Variants in COL5A1 observed in about 807,000 individuals in gnomAD.
The protein encoded by COL5A1 is collagen alpha-1(V) chain.
In COL5A1, 16 loss-of-function variants were observed where a neutral mutation model predicts 263.7. The observed-to-expected ratio is 0.06, with a 90% CI of 0.04 to 0.09. COL5A1 has a LOEUF of 0.09. COL5A1 is among the 10% of genes least tolerant of loss of function. COL5A1 has a pLI of 1.00. For synonymous variants in COL5A1, 1,012 were observed against 1,004.5 expected, an observed-to-expected ratio of 1.01 and a Z score of -0.14; for missense variants, 2,036 against 2,540.5, an observed-to-expected ratio of 0.80 and a Z score of 4.27.
chr9:134,783,852 G>A (rs1171978463), intron 29 of COL5A1, among the ~76,000 whole-genome samples: 1 of 152,238 alleles, frequency 6.6e-6, no homozygotes, highest in Non-Finnish European at 1.5e-5. Flanking sequence ...GAAGGCTCCT[G>A]AATCCCCACA....
intron 2 of COL5A1, among the ~76,000 whole-genome samples, chr9:134,697,920 C>T (rs1179543608): frequency 6.6e-6 from 1 of 152,088 alleles, no homozygotes; most frequent in Non-Finnish European, 1.5e-5. Context: ...CCCGTCTCTA[C>T]CAAAAATACA....
intron 1 of COL5A1, among the ~76,000 whole-genome samples, chr9:134,687,799 A>C (rs1833130797): frequency 3.3e-5 from 5 of 152,102 alleles, no homozygotes. Flanking sequence ...AGGGCAAAAG[A>C]GAGGGGCTCT....
At chr9:134,819,212 GAC>G (rs1838893337) in intron 57 of COL5A1, among the ~76,000 whole-genome samples, 159 bp downstream of exon 57, 7 of 152,336 alleles carry the variant, frequency 4.6e-5, no homozygotes, top group Admixed American at 4.6e-4. Flanking sequence ...AAGGAAAATA[GAC>G]ACGCTGTGTT....
rs1363657935 is a variant in COL5A1, at chr9:134,841,080, C to T, written c.5371-1077C>T. On this transcript the variant is annotated intron_variant, in intron 65 of 65. Coordinates refer to ENST00000371817, the MANE Select transcript of COL5A1 (RefSeq NM_000093.5). The surrounding 1 kb of genome is among the most constrained non-coding windows in gnomAD (Gnocchi z 4.8). ...GCATCCTGGGGTCACTGCCTCCCAT[C>T]CGGGAGGGAACCCTGGCTGGCCCCT... is the stretch of plus-strand genomic sequence containing the variant. Among the ~76,000 whole-genome samples the T allele has an allele frequency of 6.6e-6, 1 of 152,212 alleles. No homozygotes were observed. The highest frequency in any genetic ancestry group is 1.9e-4 in the East Asian group (1 of 5,180).
chr9:134,763,116 G>A (rs1836526723), intron 19 of COL5A1, among the ~76,000 whole-genome samples: 1 of 152,212 alleles, frequency 6.6e-6, no homozygotes, highest in African/African-American at 2.4e-5. Context: ...GTAGGCATGT[G>A]TAGGCAGGCT....
intron 27 of COL5A1, among the ~76,000 whole-genome samples, chr9:134,776,887 A>G (rs1837073628): frequency 6.6e-6 from 1 of 152,200 alleles, no homozygotes; most frequent in Admixed American, 6.5e-5. Context: ...GTGTCCACAC[A>G]TAGCAGAAGA....
In COL5A1 at chr9:134,677,570, C is replaced by T. The variant is rs1241254314; in HGVS notation, c.110-13342C>T. Among the ~76,000 whole-genome samples the T allele has an allele frequency of 1.3e-5, 2 of 152,134 alleles. No individual in the cohort carries two copies. Among genetic ancestry groups the T allele is most frequent in the Admixed American group, 1.3e-4 (2 of 15,282 alleles). ...GGGTGAGGTTTATCAGCGGGATCTT[C>T]GGGGTGATGACATTCCTTCCCCCAT... On this transcript the variant is annotated intron_variant, in intron 1 of 65. Coordinates refer to ENST00000371817, the MANE Select transcript of COL5A1 (RefSeq NM_000093.5). This position sits in a 1 kb window ranked among gnomAD's most constrained non-coding sequence, Gnocchi z 4.4.
chr9:134,654,164 C>T (rs1372520273), intron 1 of COL5A1, among the ~76,000 whole-genome samples: 3 of 117,700 alleles, frequency 2.5e-5, no homozygotes, highest in African/African-American at 1.0e-4. Context: ...GTATGTAGGG[C>T]TGGAGGTGTA....
chr9:134,770,192 C>CAA, intron 25 of COL5A1, among the ~76,000 whole-genome samples: 1 of 152,248 alleles, frequency 6.6e-6, no homozygotes, highest in South Asian at 2.1e-4. Context: ...TTCTCCTTTG[C>CAA]AAAGGCAGCA....
chr9:134,668,895 C>A (rs530646148), intron 1 of COL5A1, among the ~76,000 whole-genome samples: 139 of 151,978 alleles, frequency 9.1e-4, no homozygotes, highest in Non-Finnish European at 1.5e-3. Flanking sequence ...ACCCATTCAT[C>A]CATCAATCCA....
intron 61 of COL5A1, among the ~76,000 whole-genome samples, chr9:134,824,384 C>T (rs1009252284): frequency 2.4e-4 from 36 of 152,220 alleles, no homozygotes; most frequent in African/African-American, 8.7e-4. Flanking sequence ...GTGCTCCATG[C>T]TGGCAAGCAC....
intron 65 of COL5A1, among the ~76,000 whole-genome samples, chr9:134,838,532 G>T (rs1257783044): frequency 6.6e-6 from 1 of 152,208 alleles, no homozygotes; most frequent in East Asian, 1.9e-4. Context: ...CGTGGGTCTG[G>T]TTAGCCGCCC....
rs2132524862 is a variant in COL5A1 at position 134,678,360 on chromosome 9, C to T, written c.110-12552C>T. The stretch of plus-strand genomic sequence containing the variant: ...CAGAGCACATAACAGGTGCACAGTC[C>T]TCAGCTGCCCCTCCCCCATGGTGCT... On this transcript the variant is annotated intron_variant, in intron 1 of 65. Transcript: ENST00000371817. This position sits in a 1 kb window ranked among gnomAD's most constrained non-coding sequence, Gnocchi z 5.5. 6.6e-6 allele frequency among the ~76,000 whole-genome samples: 1 copy of T among 152,324 alleles called. No homozygotes were observed. Among genetic ancestry groups the T allele is most frequent in the East Asian group, 1.9e-4 (1 of 5,166 alleles).
At chr9:134,750,201 G>A (rs1008130560) in intron 11 of COL5A1, among the ~76,000 whole-genome samples, 2 of 152,156 alleles carry the variant, frequency 1.3e-5, no homozygotes, top group South Asian at 2.1e-4. Context: ...TTCCTGGAGC[G>A]ACAAGAGCCT....
rs1838849871 is a variant in COL5A1, at chr9:134,818,387, C to T, written c.4231-269C>T. 6.6e-6 allele frequency among the ~76,000 whole-genome samples: 1 copy of T among 152,178 alleles called. No individual in the cohort carries two copies. On this transcript the variant is annotated intron_variant, in intron 54 of 65. Transcript: ENST00000371817. This position sits in a 1 kb window ranked among gnomAD's most constrained non-coding sequence, Gnocchi z 6.0. Reference sequence around the variant, plus strand: ...AGACGGGAGGTTGTGCGGTTCCATCCCTGCTCGGGCAGTGGCGCTGTGACA... The same window carrying T: ...AGACGGGAGGTTGTGCGGTTCCATCTCTGCTCGGGCAGTGGCGCTGTGACA...
intron 18 of COL5A1, among the ~76,000 whole-genome samples, chr9:134,759,258 G>A (rs372962358): frequency 0.11 from 12,357 of 109,878 alleles, 742 homozygotes; most frequent in Non-Finnish European, 0.14. Flanking sequence ...ACATGTGTGC[G>A]CGCACACACT....
rs576332528 is a variant in COL5A1 at position 134,732,088 on chromosome 9, C to T, written c.1350C>T (p.Gly450=). ...TIYEGIGGPR[G]EKGQKGEPAI... is the part of the protein sequence containing the mutation. ...ACCCCCAGATTGGAGGACCTCGGGG[C>T]GAGAAAGGCCAAAAGGGAGAACCAG... Residue 450 remains glycine, a synonymous_variant, in exon 9 of 66, where the codon GGC becomes GGT. Coordinates refer to ENST00000371817, the MANE Select transcript of COL5A1 (RefSeq NM_000093.5). 220 of 1,614,182 alleles carry T rather than the reference C, an allele frequency of 1.4e-4. 1 individual carries two copies. The highest frequency in any genetic ancestry group is 1.2e-4 in the Admixed American group (7 of 60,020).
At chr9:134,645,684 G>A (rs984809292) in intron 1 of COL5A1, among the ~76,000 whole-genome samples, 2 of 152,242 alleles carry the variant, frequency 1.3e-5, no homozygotes, top group Admixed American at 1.3e-4. Context: ...TCAGGGGGCA[G>A]GGATGCCAGG....
At chr9:134,751,347 C>G (rs971256246) in intron 13 of COL5A1, among the ~76,000 whole-genome samples, 1 of 152,240 alleles carries the variant, frequency 6.6e-6, no homozygotes, top group Non-Finnish European at 1.5e-5. Flanking sequence ...CCCTCCACCT[C>G]TGACCCAGTA....
Sources: gnomAD v4.1 joint callset for allele counts (sites outside exome capture counted in the v4.1 genomes callset) on GRCh38, gnomAD v4.1.1 for gene constraint, Gnocchi (gnomAD v3.1) non-coding constraint, MANE v1.5 for transcripts, NCBI Gene and HGNC (gene_info 2026-07-23, HGNC 2026-07-21) for gene names.